TJP3: variants seen among roughly 807,000 people sequenced by gnomAD.
The protein encoded by TJP3 is tight junction protein ZO-3.
TJP3 carries 85 observed loss-of-function variants against 104.2 expected under a neutral mutation model. The observed-to-expected ratio is 0.82, with a 90% confidence interval of 0.68 to 0.98. TJP3 has a LOEUF of 0.98. Ranked by LOEUF, TJP3 falls within the 50% of genes least tolerant of loss-of-function variation. The pLI, the probability that TJP3 is intolerant of heterozygous loss-of-function variation, is 0.00. For synonymous variants in TJP3, 550 were observed against 550.6 expected (o/e 1.00, Z 0.02); for missense variants, 1,367 against 1,322.8 (o/e 1.03, Z -0.52).
At position 3,716,803 on chromosome 19, in the gene TJP3, T is replaced by TA. The variant is rs1342695421; in HGVS notation, c.-10+8242_-10+8243insA. ...TACATATATATATATATATATATATTTTTTTTTTTTTTTTGAAACAGAGTC... is the reference window on the plus strand; with the variant it reads ...TACATATATATATATATATATATATTATTTTTTTTTTTTTTGAAACAGAGTC... On this transcript the variant is annotated intron_variant, in intron 1 of 20. Transcript: ENST00000541714. Among the ~76,000 whole-genome samples, 705 of 82,358 alleles carry TA rather than the reference T, an allele frequency of 8.6e-3. 9 individuals carry two copies. The highest frequency in any genetic ancestry group is 0.028 in the African/African-American group (563 of 19,870). The allele number at this position is 82,358 out of a possible 152,430, so 54.0% of individuals were successfully genotyped here.
Position 3,716,780 on chromosome 19 carries a change from C to CATAT in TJP3, c.-10+8238_-10+8241dup, listed in dbSNP as rs1255662392. Among the ~76,000 whole-genome samples the CATAT allele has an allele frequency of 3.6e-3, 369 of 103,262 alleles. 10 individuals carry two copies. The highest frequency in any genetic ancestry group is 0.011 in the African/African-American group (300 of 26,376). 67.7% of individuals were successfully genotyped at this position (103,262 alleles called of 152,430 possible). A position where few individuals can be genotyped will look rare whatever the true frequency, so the allele number is the denominator to read the frequency against. The stretch of plus-strand genomic sequence containing the variant: ...TGCCTGCTACCACACCCAGCTCATA[C>CATAT]ATATATATATATATATATATATTTT... On this transcript the variant is annotated intron_variant, in intron 1 of 20. Coordinates refer to ENST00000541714, the MANE Select transcript of TJP3 (RefSeq NM_001267560.2).
intron 6 of TJP3, among the ~76,000 whole-genome samples, chr19:3,733,328 G>A (rs1480166905): frequency 2.0e-5 from 3 of 152,088 alleles, no homozygotes; most frequent in Admixed American, 2.0e-4. Flanking sequence ...GAGCCACCGC[G>A]CCCCACTCTA....
chr19:3,709,617 C>T (rs988531011), intron 1 of TJP3, among the ~76,000 whole-genome samples: 4 of 152,218 alleles, frequency 2.6e-5, no homozygotes, highest in African/African-American at 9.6e-5. Context: ...CCCCCGGGGC[C>T]GAGGAGGCAT....
chr19:3,743,567 CAT>C, intron 14 of TJP3: 1 of 184,388 alleles, frequency 5.4e-6, no homozygotes. Context: ...TTGACGAACA[CAT>C]GCAGTGGGCC....
At position 3,735,932 on chromosome 19, in the gene TJP3, G is replaced by A. The variant is rs565934761; in HGVS notation, c.1124G>A (p.Arg375His). 9.3e-6 allele frequency: 15 copies of A among 1,613,986 alleles called. No homozygotes were observed. The highest frequency in any genetic ancestry group is 2.7e-5 in the African/African-American group (2 of 74,890). ...CCCAGCAGTCAGAGCATGGAGGATC[G>A]TGGGTATGTACCCCAGAAGAAAGCA... ...RVPSSQSMED[R>H]GYSPDTRVVR... The change falls in exon 10 of 21, where the codon CGT (arginine) becomes CAT (histidine). Residue 375 changes from arginine to histidine, a missense_variant. Physicochemically the swap from Arg to His is conservative, Grantham distance 29 (BLOSUM62 0). Coordinates refer to ENST00000541714, the MANE Select transcript of TJP3 (RefSeq NM_001267560.2).
intron 14 of TJP3, chr19:3,743,705 G>A (rs12459269): frequency 0.14 from 64,310 of 455,200 alleles, 5,329 homozygotes; most frequent in South Asian, 0.25. Flanking sequence ...TGCCCTTGAA[G>A]GCGGAACCCA....
At position 3,746,065 on chromosome 19, in the gene TJP3, G is replaced by A. The variant is rs769686977; in HGVS notation, c.1994G>A (p.Arg665Gln). ...PSKIIKLDTV[R>Q]VIAEKDKHAL... ...AAGATCATCAAACTAGACACCGTGC[G>A]GGTGATTGCAGAAAAAGTAAGCCGG... is the stretch of plus-strand genomic sequence containing the variant. Residue 665 changes from arginine to glutamine, a missense_variant, in exon 16 of 21, where the codon CGG becomes CAG. Transcript: ENST00000541714. The surrounding 1 kb of genome is among the most constrained non-coding windows in gnomAD (Gnocchi z 4.1). The A allele has an allele frequency of 2.2e-5, 36 of 1,609,344 alleles. No homozygotes were observed. The highest frequency in any genetic ancestry group is 8.0e-5 in the African/African-American group (6 of 74,834).
intron 1 of TJP3, among the ~76,000 whole-genome samples, chr19:3,715,174 C>G (rs1200028193): frequency 2.0e-5 from 3 of 151,544 alleles, no homozygotes; most frequent in Non-Finnish European, 4.4e-5. Context: ...ACTGCAACCT[C>G]CGCCTCCCGG....
chr19:3,719,233 G>A (rs1241023343), intron 1 of TJP3, among the ~76,000 whole-genome samples: 3 of 146,062 alleles, frequency 2.1e-5, no homozygotes, highest in Non-Finnish European at 4.6e-5. Flanking sequence ...GATTTTTTGC[G>A]CCACCTGCTG....
chr19:3,738,736 T>A, intron 12 of TJP3, 73 bp downstream of exon 12: 1 of 1,422,156 alleles, frequency 7.0e-7, no homozygotes, highest in Non-Finnish European at 9.8e-7. Context: ...TGGTGGTGAG[T>A]GCAGGGATGT....
chr19:3,718,136 GC>G, intron 1 of TJP3, among the ~76,000 whole-genome samples: 1 of 142,482 alleles, frequency 7.0e-6, no homozygotes, highest in Non-Finnish European at 1.5e-5. Context: ...AACCCGGGAA[GC>G]AGAGCTTGCA....
chr19:3,730,506 C>A lies in TJP3; in HGVS notation c.413C>A (p.Ser138Tyr). 6.3e-7 allele frequency: 1 copy of A among 1,587,938 alleles called. No individual in the cohort carries two copies. Reference sequence around the variant, plus strand: ...TATGACGGCGACTCATCCAGTGGCTCCGGCCGCTCCTGGGACGAGCGCTCC... The same window carrying A: ...TATGACGGCGACTCATCCAGTGGCTACGGCCGCTCCTGGGACGAGCGCTCC... ...RGYDGDSSSG[S>Y]GRSWDERSRR... The change falls in exon 5 of 21, where the codon TCC (serine) becomes TAC (tyrosine). Residue 138 changes from serine to tyrosine, a missense_variant. By Grantham distance (144) the Ser-to-Tyr change is moderately radical. Coordinates refer to ENST00000541714, the MANE Select transcript of TJP3 (RefSeq NM_001267560.2). The surrounding 1 kb of genome is among the most constrained non-coding windows in gnomAD (Gnocchi z 7.3).
At chr19:3,718,667 C>A (rs1256508012) in intron 1 of TJP3, among the ~76,000 whole-genome samples, 1 of 151,580 alleles carries the variant, frequency 6.6e-6, no homozygotes, top group Non-Finnish European at 1.5e-5. Context: ...CAGGGTTTCA[C>A]AATGTTGGCC....
chr19:3,725,104 AC>A (rs1461014391), intron 1 of TJP3, among the ~76,000 whole-genome samples: 1 of 152,062 alleles, frequency 6.6e-6, no homozygotes, highest in Non-Finnish European at 1.5e-5. Context: ...CTACAAAAAA[AC>A]AAAAAAATAT....
intron 10 of TJP3, 31 bp from the exon 11 acceptor site, chr19:3,736,134 G>A: frequency 6.4e-7 from 1 of 1,568,582 alleles, no homozygotes; most frequent in Non-Finnish European, 8.6e-7. Flanking sequence ...CGCCCACTCT[G>A]CTCTGACCCC....
chr19:3,747,549 T>G (rs1011504799), intron 18 of TJP3, among the ~76,000 whole-genome samples: 1 of 152,156 alleles, frequency 6.6e-6, no homozygotes, highest in Non-Finnish European at 1.5e-5. Context: ...AGAGAGAGAA[T>G]GGAGTCTTCT....
chr19:3,727,606 C>T lies in TJP3; in HGVS notation c.-9-818C>T, dbSNP rs2036614096. Among the ~76,000 whole-genome samples the T allele has an allele frequency of 2.0e-5, 3 of 152,152 alleles. No homozygotes were observed. In the South Asian group the frequency reaches 6.2e-4, roughly 32 times the overall value. On this transcript the variant is annotated intron_variant, in intron 1 of 20. Coordinates refer to ENST00000541714, the MANE Select transcript of TJP3 (RefSeq NM_001267560.2). Reference sequence around the variant, plus strand: ...TTGAATCCCTGCTGCAACTCAGGCGCTGTTCTAGGCAGGGAACTGAGGGCT... The same window carrying T: ...TTGAATCCCTGCTGCAACTCAGGCGTTGTTCTAGGCAGGGAACTGAGGGCT...
At chr19:3,733,656 G>T in intron 6 of TJP3, 97 bp from the exon 7 acceptor site, 1 of 1,538,414 alleles carries the variant, frequency 6.5e-7, no homozygotes, top group Admixed American at 1.7e-5. Flanking sequence ...ACCTCTGGGG[G>T]AATTGTCTGT....
chr19:3,735,784 C>T, intron 9 of TJP3, 85 bp from the exon 10 acceptor site: 1 of 1,593,172 alleles, frequency 6.3e-7, no homozygotes, highest in Non-Finnish European at 8.6e-7. Flanking sequence ...GGTGACAGTC[C>T]TTCCAGGATG....
Sources: allele counts gnomAD v4.1 joint callset (sites outside exome capture counted in the v4.1 genomes callset), GRCh38; gene constraint gnomAD v4.1.1; non-coding constraint Gnocchi (gnomAD v3.1); transcripts MANE v1.5; gene names NCBI Gene and HGNC (gene_info 2026-07-23, HGNC 2026-07-21).